ZSCAN22: variants seen among roughly 807,000 people sequenced by gnomAD.
ZSCAN22 encodes zinc finger and SCAN domain containing 22.
In ZSCAN22, 7 loss-of-function variants were observed where a neutral mutation model predicts 12.4. The observed-to-expected ratio is 0.57, with a 90% CI of 0.32 to 1.06. The LOEUF (loss-of-function observed/expected upper bound fraction) is 1.06, where lower values mean the gene tolerates loss of function less well. Ranked by LOEUF, ZSCAN22 falls within the 50% of genes least tolerant of loss-of-function variation. ZSCAN22 has a pLI of 0.04. For missense variants in ZSCAN22, 576 were observed against 631.7 expected, an observed-to-expected ratio of 0.91 and a Z score of 0.94; for synonymous variants, 243 against 255.9, an observed-to-expected ratio of 0.95 and a Z score of 0.48.
At chr19:58,336,886 T>G (rs2051803734) in intron 2 of ZSCAN22, among the ~76,000 whole-genome samples, 1 of 152,130 alleles carries the variant, frequency 6.6e-6, no homozygotes, top group Non-Finnish European at 1.5e-5. Flanking sequence ...CAGGACTGAT[T>G]AAGGTGGTAG....
At position 58,335,889 on chromosome 19, in the gene ZSCAN22, C is replaced by G. The variant is rs1456616097; in HGVS notation, c.403+684C>G. Among the ~76,000 whole-genome samples, 3 of 152,240 alleles carry G rather than the reference C, an allele frequency of 2.0e-5. No individual in the cohort carries two copies. Among genetic ancestry groups the G allele is most frequent in the Non-Finnish European group, 4.4e-5 (3 of 68,042 alleles). ...GCACTGTTACTCACAGAGACCCACA[C>G]AAACATCCCAACCCAGGGAGGTCCA... On this transcript the variant is annotated intron_variant, in intron 2 of 2. Transcript: ENST00000329665. The surrounding 1 kb of genome is among the most constrained non-coding windows in gnomAD (Gnocchi z 4.1).
Position 58,334,761 on chromosome 19 carries a change from C to A in ZSCAN22, c.-42C>A. On this transcript the variant is annotated 5_prime_UTR_variant, in exon 2 of 3. Coordinates refer to ENST00000329665, the MANE Select transcript of ZSCAN22 (RefSeq NM_181846.3). ...TCTGACATTCCTGCAGGCCCAGTTC[C>A]AAGGCTCCGGCATCCTGTGTCTCAC... is the stretch of plus-strand genomic sequence containing the variant. 1 of 1,532,172 alleles carries A rather than the reference C, an allele frequency of 6.5e-7. No homozygotes were observed. Among genetic ancestry groups the A allele is most frequent in the South Asian group, 1.2e-5 (1 of 80,164 alleles). The allele number at this position is 1,532,172 out of a possible 1,614,324, so 94.9% of individuals were successfully genotyped here.
Position 58,338,772 on chromosome 19 carries a change from A to G in ZSCAN22, c.922A>G (p.Ser308Gly). Residue 308 changes from serine (S) to glycine (G), a missense_variant, in exon 3 of 3, where the codon AGC (serine) becomes GGC (glycine). By Grantham distance (56) the Ser-to-Gly change is moderately conservative. Transcript: ENST00000329665. The surrounding 1 kb of genome is among the most constrained non-coding windows in gnomAD (Gnocchi z 5.4). ...CGAGTGTGGGAAAGCCTTCAGCCGG[A>G]GCACTCACCTCGCCCAGCACCAGGT... ...CSECGKAFSR[S>G]THLAQHQVVH... The G allele has an allele frequency of 6.2e-7, 1 of 1,614,160 alleles. No individual in the cohort carries two copies. Among genetic ancestry groups the G allele is most frequent in the Non-Finnish European group, 8.5e-7 (1 of 1,180,010 alleles).
At position 58,329,242 on chromosome 19, in the gene ZSCAN22, G is replaced by T. The variant is rs1004756378; in HGVS notation, c.-52+2128G>T. ...GTCACCAAAAGGTTTCAGGATTGGG[G>T]TCTTGTTTTAGAGTAACGTTCTCTT... On this transcript the variant is annotated intron_variant, in intron 1 of 2. Coordinates refer to ENST00000329665, the MANE Select transcript of ZSCAN22 (RefSeq NM_181846.3). The surrounding 1 kb of genome is among the most constrained non-coding windows in gnomAD (Gnocchi z 4.1). 1.1e-4 allele frequency among the ~76,000 whole-genome samples: 16 copies of T among 152,210 alleles called. No homozygotes were observed. The highest frequency in any genetic ancestry group is 3.9e-4 in the African/African-American group (16 of 41,442).
chr19:58,333,274 A>G (rs533514244), intron 1 of ZSCAN22, among the ~76,000 whole-genome samples: 5 of 152,282 alleles, frequency 3.3e-5, no homozygotes, highest in Non-Finnish European at 5.9e-5. Flanking sequence ...AAAGCTTTTA[A>G]TTTTGATAAA....
In ZSCAN22 at chr19:58,331,215, C is replaced by CTT. The variant is rs60442054; in HGVS notation, c.-51-3519_-51-3518dup. ...GAACACCCAACAATTATCAAATGCA[C>CTT]TTTTTTTTTTTTTTTTTTTGAGACA... On this transcript the variant is annotated intron_variant, in intron 1 of 2. Transcript: ENST00000329665. Among the ~76,000 whole-genome samples, 53 of 131,408 alleles carry CTT rather than the reference C, an allele frequency of 4.0e-4. 1 individual carries two copies. The highest frequency in any genetic ancestry group is 8.1e-4 in the African/African-American group (28 of 34,432). 86.2% of individuals were successfully genotyped at this position (131,408 alleles called of 152,430 possible). A position where few individuals can be genotyped will look rare whatever the true frequency, so the allele number is the denominator to read the frequency against.
intron 2 of ZSCAN22, among the ~76,000 whole-genome samples, chr19:58,337,880 A>G (rs962136802): frequency 6.6e-6 from 1 of 152,246 alleles, no homozygotes; most frequent in African/African-American, 2.4e-5. Context: ...CCCCACAGAG[A>G]TCAGAGCCTG....
intron 1 of ZSCAN22, among the ~76,000 whole-genome samples, chr19:58,327,520 T>G (rs934560138): frequency 6.6e-6 from 1 of 152,030 alleles, no homozygotes; most frequent in African/African-American, 2.4e-5. Flanking sequence ...ACAGATAAAA[T>G]GTAGGACCAG....
Position 58,338,726 on chromosome 19 carries a change from G to A in ZSCAN22, c.876G>A (p.Arg292=). The change falls in exon 3 of 3, where the codon CGG becomes CGA. Residue 292 remains arginine, a synonymous_variant. Coordinates refer to ENST00000329665, the MANE Select transcript of ZSCAN22 (RefSeq NM_181846.3). This position sits in a 1 kb window ranked among gnomAD's most constrained non-coding sequence, Gnocchi z 5.4. Reference sequence around the variant, plus strand: ...AGGCACACCAGAAGACCCATTCTCGGAAGACCCCATATGCCTGCAGCGAGT... The same window carrying A: ...AGGCACACCAGAAGACCCATTCTCGAAAGACCCCATATGCCTGCAGCGAGT... ...ALEAHQKTHS[R]KTPYACSECG... is the part of the protein sequence containing the mutation. 1 of 1,614,216 alleles carries A rather than the reference G, an allele frequency of 6.2e-7. No individual in the cohort carries two copies. The highest frequency in any genetic ancestry group is 8.5e-7 in the Non-Finnish European group (1 of 1,180,038).
rs1315327548 is a variant in ZSCAN22 at position 58,339,225 on chromosome 19, A to G, written c.1375A>G (p.Thr459Ala). The G allele has an allele frequency of 2.5e-6, 4 of 1,614,136 alleles. No homozygotes were observed. The highest frequency in any genetic ancestry group is 4.5e-5 in the East Asian group (2 of 44,864). Residue 459 changes from threonine (T) to alanine (A), a missense_variant, in exon 3 of 3, where the codon ACG becomes GCG. By Grantham distance (58) the Thr-to-Ala change is moderately conservative (BLOSUM62 0). Transcript: ENST00000329665. This position sits in a 1 kb window ranked among gnomAD's most constrained non-coding sequence, Gnocchi z 5.6. ...CCTCATTGAGCACCAGAGGATCCAC[A>G]CGGGAGAGAAGCCTTATAAGTGCAG... is the stretch of plus-strand genomic sequence containing the variant. Reference protein sequence around the residue: ...SSLIEHQRIHTGEKPYKCSDC... With the variant: ...SSLIEHQRIHAGEKPYKCSDC...
rs1421237920 is a variant in ZSCAN22, at chr19:58,335,699, T to C, written c.403+494T>C. On this transcript the variant is annotated intron_variant, in intron 2 of 2. Transcript: ENST00000329665. The surrounding 1 kb of genome is among the most constrained non-coding windows in gnomAD (Gnocchi z 4.1). ...CCAACCAAATCCCAGGGACTAACAG[T>C]GAGCAACTGGCTGTTTCTCAGAGGA... Among the ~76,000 whole-genome samples, 1 of 152,158 alleles carries C rather than the reference T, an allele frequency of 6.6e-6. No individual in the cohort carries two copies. The highest frequency in any genetic ancestry group is 2.4e-5 in the African/African-American group (1 of 41,434).
In ZSCAN22 at chr19:58,338,424, G is replaced by C. The variant is rs747089524; in HGVS notation, c.574G>C (p.Glu192Gln). 4 of 1,614,060 alleles carry C rather than the reference G, an allele frequency of 2.5e-6. No homozygotes were observed. Among genetic ancestry groups the C allele is most frequent in the Non-Finnish European group, 3.4e-6 (4 of 1,180,044 alleles). Residue 192 changes from glutamate to glutamine, a missense_variant, in exon 3 of 3, where the codon GAG becomes CAG. By Grantham distance (29) the Glu-to-Gln change is conservative. Transcript: ENST00000329665. The surrounding 1 kb of genome is among the most constrained non-coding windows in gnomAD (Gnocchi z 5.4). ...CTCAGAGAGGTCTGGACTATCAGGGGAGATCTGGACAAAGTCTGTCACCCA... is the reference window on the plus strand; with the variant it reads ...CTCAGAGAGGTCTGGACTATCAGGGCAGATCTGGACAAAGTCTGTCACCCA... ...GSSERSGLSG[E>Q]IWTKSVTQQI...
At chr19:58,327,384 G>T (rs1308475352) in intron 1 of ZSCAN22, among the ~76,000 whole-genome samples, 2 of 152,190 alleles carry the variant, frequency 1.3e-5, no homozygotes, top group Non-Finnish European at 2.9e-5. Context: ...GACCGAATGT[G>T]GTGCGGAATG....
intron 1 of ZSCAN22, among the ~76,000 whole-genome samples, chr19:58,330,118 C>G (rs2051704969): frequency 6.6e-6 from 1 of 152,068 alleles, no homozygotes; most frequent in Non-Finnish European, 1.5e-5. Flanking sequence ...GAAACCCCGT[C>G]TCTACTAAAA....
In ZSCAN22 at chr19:58,338,286, A is replaced by G; in HGVS notation, c.436A>G (p.Ser146Gly). ...TCCAGGAGCCGAGCCCACAGAGGCA[A>G]GCTGCAAGCAGAGTGACCTGGGAGA... The part of the protein sequence containing the change: ...WDPGAEPTEA[S>G]CKQSDLGESE... Residue 146 changes from serine to glycine, a missense_variant, in exon 3 of 3, where the codon AGC (serine) becomes GGC (glycine). Ser to Gly is a moderately conservative substitution (Grantham distance 56). Transcript: ENST00000329665. The surrounding 1 kb of genome is among the most constrained non-coding windows in gnomAD (Gnocchi z 5.4). The G allele has an allele frequency of 6.2e-7, 1 of 1,605,302 alleles. No individual in the cohort carries two copies. The highest frequency in any genetic ancestry group is 8.5e-7 in the Non-Finnish European group (1 of 1,173,098).
chr19:58,338,546 G>A lies in ZSCAN22; in HGVS notation c.696G>A (p.Ala232=), dbSNP rs765803897. The part of the protein sequence containing the change: ...ESGASRNSSS[A]WPNLTSQEKP... ...GTGCCTCGAGGAACAGTTCTAGTGC[G>A]TGGCCAAACCTCACCTCCCAAGAGA... The change falls in exon 3 of 3, where the codon GCG becomes GCA. Residue 232 remains alanine, a synonymous_variant. Coordinates refer to ENST00000329665, the MANE Select transcript of ZSCAN22 (RefSeq NM_181846.3). This position sits in a 1 kb window ranked among gnomAD's most constrained non-coding sequence, Gnocchi z 5.4. The A allele has an allele frequency of 2.4e-5, 38 of 1,614,094 alleles. No individual in the cohort carries two copies. The highest frequency in any genetic ancestry group is 3.1e-5 in the Non-Finnish European group (36 of 1,180,062).
In ZSCAN22 at chr19:58,338,675, G is replaced by T. The variant is rs775058364; in HGVS notation, c.825G>T (p.Lys275Asn). ...KRSSKCRECR[K>N]MFQSASALEA... ...CCTCCAAGTGTCGCGAGTGTAGGAA[G>T]ATGTTCCAGAGTGCTTCGGCGCTCG... is the stretch of plus-strand genomic sequence containing the variant. The change falls in exon 3 of 3, where the codon AAG becomes AAT. Residue 275 changes from lysine (K) to asparagine (N), a missense_variant. Lys to Asn is a moderately conservative substitution (Grantham distance 94). Transcript: ENST00000329665. The surrounding 1 kb of genome is among the most constrained non-coding windows in gnomAD (Gnocchi z 5.4). The T allele has an allele frequency of 9.9e-6, 16 of 1,614,118 alleles. No individual in the cohort carries two copies. Among genetic ancestry groups the T allele is most frequent in the Non-Finnish European group, 1.4e-5 (16 of 1,180,056 alleles).
rs1417774137 is a variant in ZSCAN22, at chr19:58,339,823, C to T, written c.*497C>T. On this transcript the variant is annotated 3_prime_UTR_variant, in exon 3 of 3. Transcript: ENST00000329665. This position sits in a 1 kb window ranked among gnomAD's most constrained non-coding sequence, Gnocchi z 5.6. ...ATTTCCACTCCAGACTATTTTGTGCCTAACTGCAAGGCTGACTTTTGAGAC... is the reference window on the plus strand; with the variant it reads ...ATTTCCACTCCAGACTATTTTGTGCTTAACTGCAAGGCTGACTTTTGAGAC... The T allele has an allele frequency of 2.6e-5, 4 of 155,620 alleles. No homozygotes were observed. Among genetic ancestry groups the T allele is most frequent in the African/African-American group, 9.6e-5 (4 of 41,490 alleles). The allele number at this position is 155,620 out of a possible 1,614,324, so 9.6% of individuals were successfully genotyped here.
rs1315535992 is a variant in ZSCAN22 at position 58,329,418 on chromosome 19, T to C, written c.-52+2304T>C. Among the ~76,000 whole-genome samples, 1 of 151,810 alleles carries C rather than the reference T, an allele frequency of 6.6e-6. No individual in the cohort carries two copies. Among genetic ancestry groups the C allele is most frequent in the Non-Finnish European group, 1.5e-5 (1 of 67,978 alleles). On this transcript the variant is annotated intron_variant, in intron 1 of 2. Coordinates refer to ENST00000329665, the MANE Select transcript of ZSCAN22 (RefSeq NM_181846.3). This position sits in a 1 kb window ranked among gnomAD's most constrained non-coding sequence, Gnocchi z 4.1. ...CTCCAAATACTTAAAACTGTGGGAG[T>C]CGTGGATGGGAGAGGGAGAGGCTAA...
Sources: allele counts gnomAD v4.1 joint callset (sites outside exome capture counted in the v4.1 genomes callset), GRCh38; gene constraint gnomAD v4.1.1; non-coding constraint Gnocchi (gnomAD v3.1); transcripts MANE v1.5; gene names NCBI Gene and HGNC (gene_info 2026-07-23, HGNC 2026-07-21).